The following KIAA0232 variants were observed in gnomAD, a reference collection of about 807,000 sequenced individuals.
The protein encoded by KIAA0232 is KIAA0232, also known as uncharacterized protein KIAA0232.
Under a neutral mutation model 122.0 loss-of-function variants are expected in KIAA0232, and 27 were observed. The ratio of observed to expected loss-of-function variants is 0.22; its 90% CI spans 0.16 to 0.31. The LOEUF (loss-of-function observed/expected upper bound fraction) is 0.31. Among genes scored for constraint, KIAA0232 ranks in the 10% least tolerant of loss-of-function variants. The probability of loss-of-function intolerance (pLI) is 1.00; values close to 1 mark genes in which losing one functional copy is unlikely to be tolerated. For missense variants in KIAA0232, 1,551 were observed against 1,634.2 expected (o/e 0.95, Z 0.88); for synonymous variants, 613 against 587.6 (o/e 1.04, Z -0.63).
rs775902799 is a variant in KIAA0232 at position 6,862,069 on chromosome 4, G to A, written c.1687G>A (p.Glu563Lys). The part of the protein sequence containing the change: ...IVLDGMELQG[E>K]RAIWTDSTSS... Reference sequence around the variant, plus strand: ...GTTAGATGGTATGGAGTTGCAAGGGGAACGTGCAATATGGACAGATTCTAC... The same window carrying A: ...GTTAGATGGTATGGAGTTGCAAGGGAAACGTGCAATATGGACAGATTCTAC... Residue 563 changes from glutamate (E) to lysine (K), a missense_variant, in exon 7 of 10, where the codon GAA (glutamate) becomes AAA (lysine). Glu to Lys is a moderately conservative substitution (Grantham distance 56). Transcript: ENST00000307659. The A allele has an allele frequency of 3.1e-6, 5 of 1,614,182 alleles. No homozygotes were observed. The highest frequency in any genetic ancestry group is 4.2e-6 in the Non-Finnish European group (5 of 1,180,028).
intron 3 of KIAA0232, among the ~76,000 whole-genome samples, chr4:6,836,336 G>GT (rs572669996): frequency 0.011 from 1,452 of 136,174 alleles, 22 homozygotes; most frequent in African/African-American, 0.026. Context: ...TTTTTGTTTT[G>GT]TTTTTTTTTT....
intron 7 of KIAA0232, chr4:6,866,085 G>C (rs536438788): frequency 3.6e-6 from 1 of 277,382 alleles, no homozygotes; most frequent in East Asian, 1.8e-4. Context: ...TTGAAACACT[G>C]CTAAGAAAAA....
intron 7 of KIAA0232, among the ~76,000 whole-genome samples, chr4:6,870,613 G>A (rs1314748105): frequency 6.6e-6 from 1 of 152,154 alleles, no homozygotes; most frequent in African/African-American, 2.4e-5. Context: ...GACCAGCCTG[G>A]CCAACGTGGC....
intron 2 of KIAA0232, among the ~76,000 whole-genome samples, chr4:6,821,004 C>T (rs904039776): frequency 6.6e-6 from 1 of 152,124 alleles, no homozygotes; most frequent in African/African-American, 2.4e-5. Flanking sequence ...ATCAGGAGCC[C>T]ACTCCTGTGA....
intron 2 of KIAA0232, among the ~76,000 whole-genome samples, chr4:6,808,475 T>C (rs181227147): frequency 2.7e-5 from 4 of 147,572 alleles, no homozygotes; most frequent in South Asian, 2.2e-4. Context: ...AGAAGTACCA[T>C]ACTAGATCAA....
chr4:6,840,408 CTG>C (rs969485212), intron 3 of KIAA0232, among the ~76,000 whole-genome samples: 1 of 152,194 alleles, frequency 6.6e-6, no homozygotes, highest in African/African-American at 2.4e-5. Context: ...CATTTAGGCA[CTG>C]TGAGGCAGGG....
intron 2 of KIAA0232, among the ~76,000 whole-genome samples, chr4:6,819,643 C>T (rs1338582293): frequency 6.6e-6 from 1 of 152,178 alleles, no homozygotes. Flanking sequence ...CACTCATGCA[C>T]TGTTGGTGGG....
At chr4:6,831,833 C>T (rs529091773) in intron 3 of KIAA0232, among the ~76,000 whole-genome samples, 33 of 152,356 alleles carry the variant, frequency 2.2e-4, no homozygotes, top group Non-Finnish European at 1.5e-4. Flanking sequence ...TAAGAGTTCA[C>T]TCCAAGTTCT....
At chr4:6,836,802 C>T (rs942793856) in intron 3 of KIAA0232, among the ~76,000 whole-genome samples, 1 of 152,024 alleles carries the variant, frequency 6.6e-6, no homozygotes, top group African/African-American at 2.4e-5. Flanking sequence ...CATCTTGCAC[C>T]GCCCTTAATC....
At chr4:6,827,451 C>G (rs1039315306) in intron 3 of KIAA0232, among the ~76,000 whole-genome samples, 2 of 152,230 alleles carry the variant, frequency 1.3e-5, no homozygotes, top group Non-Finnish European at 2.9e-5. Context: ...GCCACCTTTC[C>G]TGATCTCTGG....
At chr4:6,834,542 C>G (rs1041213970) in intron 3 of KIAA0232, among the ~76,000 whole-genome samples, 2 of 152,168 alleles carry the variant, frequency 1.3e-5, no homozygotes, top group Non-Finnish European at 2.9e-5. Flanking sequence ...CCAACATTTA[C>G]CCTAACAATC....
chr4:6,802,881 G>A (rs962011003), intron 1 of KIAA0232, among the ~76,000 whole-genome samples: 4 of 151,794 alleles, frequency 2.6e-5, no homozygotes, highest in Non-Finnish European at 4.4e-5. Flanking sequence ...CATATAGCTG[G>A]GGGCAGTGGC....
intron 1 of KIAA0232, among the ~76,000 whole-genome samples, chr4:6,784,975 T>C (rs1716550438): frequency 6.7e-6 from 1 of 149,956 alleles, no homozygotes; most frequent in South Asian, 2.1e-4. Flanking sequence ...AGTCTCGCTC[T>C]GCCGCCCAGG....
At chr4:6,840,359 G>A (rs998446084) in intron 3 of KIAA0232, among the ~76,000 whole-genome samples, 1 of 152,296 alleles carries the variant, frequency 6.6e-6, no homozygotes, top group African/African-American at 2.4e-5. Context: ...GGATGATGGG[G>A]GTAGTGTTAA....
chr4:6,831,024 CT>C (rs934670901), intron 3 of KIAA0232, among the ~76,000 whole-genome samples: 3 of 151,120 alleles, frequency 2.0e-5, no homozygotes, highest in East Asian at 1.9e-4. Context: ...CTTTCTTTCT[CT>C]TTTTTTTTAT....
intron 4 of KIAA0232, among the ~76,000 whole-genome samples, chr4:6,846,829 A>G (rs1719991000): frequency 6.6e-6 from 1 of 152,092 alleles, no homozygotes; most frequent in Non-Finnish European, 1.5e-5. Flanking sequence ...TATAATGCAC[A>G]ATTTTATTTT....
At chr4:6,797,983 G>A (rs1008783121) in intron 1 of KIAA0232, among the ~76,000 whole-genome samples, 2 of 151,122 alleles carry the variant, frequency 1.3e-5, no homozygotes, top group South Asian at 2.1e-4. Context: ...GCATGAACCC[G>A]AGAGGTGGAG....
chr4:6,851,040 C>G (rs961715127), intron 4 of KIAA0232, among the ~76,000 whole-genome samples: 1 of 152,206 alleles, frequency 6.6e-6, no homozygotes, highest in African/African-American at 2.4e-5. Flanking sequence ...ACTTAGGCAT[C>G]AGATTCCTTG....
intron 7 of KIAA0232, 51 bp downstream of exon 7, chr4:6,864,234 C>A: frequency 6.6e-7 from 1 of 1,524,164 alleles, no homozygotes. Context: ...CAGAGTTTAA[C>A]CCAAGAACAG....
Sources: gnomAD v4.1 joint callset for allele counts (sites outside exome capture counted in the v4.1 genomes callset) on GRCh38, gnomAD v4.1.1 for gene constraint, MANE v1.5 for transcripts, NCBI Gene and HGNC (gene_info 2026-07-23, HGNC 2026-07-21) for gene names.